Variants in NCOA1 observed in about 807,000 individuals in gnomAD.
NCOA1 encodes the protein nuclear receptor coactivator 1.
Under a neutral mutation model 150.9 loss-of-function variants are expected in NCOA1, and 35 were observed. The observed-to-expected ratio is 0.23, with a 90% CI of 0.18 to 0.31. NCOA1 has a LOEUF of 0.31. Among genes scored for constraint, NCOA1 ranks in the 10% least tolerant of loss-of-function variants. The pLI is 1.00. For synonymous variants in NCOA1, 590 were observed against 630.0 expected (o/e 0.94, Z 0.95); for missense variants, 1,491 against 1,749.3 (o/e 0.85, Z 2.63).
At chr2:24,550,841 G>A (rs1334028506) in intron 1 of NCOA1, among the ~76,000 whole-genome samples, 2 of 152,212 alleles carry the variant, frequency 1.3e-5, no homozygotes, top group African/African-American at 4.8e-5. Context: ...GGGTGCAGTG[G>A]TTCATGCCTG....
At chr2:24,689,910 C>T (rs1672584659) in intron 8 of NCOA1, among the ~76,000 whole-genome samples, 1 of 152,078 alleles carries the variant, frequency 6.6e-6, no homozygotes, top group Admixed American at 6.6e-5. Context: ...GACAGAAATC[C>T]TATATAACTA....
chr2:24,522,030 A>T (rs911137415), intron 1 of NCOA1, among the ~76,000 whole-genome samples: 1 of 151,984 alleles, frequency 6.6e-6, no homozygotes, highest in Non-Finnish European at 1.5e-5. Flanking sequence ...AACATAACAT[A>T]TAATTATATA....
At chr2:24,716,260 AAAAAAG>A (rs1674036806) in intron 14 of NCOA1, among the ~76,000 whole-genome samples, 1 of 152,028 alleles carries the variant, frequency 6.6e-6, no homozygotes, top group South Asian at 2.1e-4. Flanking sequence ...TTAAAAAAAA[AAAAAAG>A]AAAACTTGGG....
intron 7 of NCOA1, among the ~76,000 whole-genome samples, chr2:24,678,409 T>C (rs745676872): frequency 1.3e-5 from 2 of 152,216 alleles, no homozygotes; most frequent in Non-Finnish European, 2.9e-5. Flanking sequence ...TACTCAGTAA[T>C]GGGATTGCTG....
At chr2:24,613,942 T>G (rs1241261112) in intron 3 of NCOA1, among the ~76,000 whole-genome samples, 1 of 152,162 alleles carries the variant, frequency 6.6e-6, no homozygotes, top group Non-Finnish European at 1.5e-5. Context: ...CCTCATGATG[T>G]CTTTGCTAAG....
At chr2:24,728,987 A>G (rs1370391933) in intron 16 of NCOA1, among the ~76,000 whole-genome samples, 5 of 152,252 alleles carry the variant, frequency 3.3e-5, no homozygotes, top group Non-Finnish European at 7.3e-5. Flanking sequence ...ACACACACAC[A>G]AGCACACGCG....
At chr2:24,552,361 T>A (rs1206945112) in intron 1 of NCOA1, among the ~76,000 whole-genome samples, 137 of 73,156 alleles carry the variant, frequency 1.9e-3, no homozygotes, top group Middle Eastern at 6.7e-3. Flanking sequence ...ATATTTTTTT[T>A]TTTTTTTTTT....
At chr2:24,541,333 A>G (rs1665385686) in intron 1 of NCOA1, among the ~76,000 whole-genome samples, 1 of 152,206 alleles carries the variant, frequency 6.6e-6, no homozygotes, top group South Asian at 2.1e-4. Flanking sequence ...TGGAAACCAG[A>G]GAAGTAATGG....
intron 1 of NCOA1, among the ~76,000 whole-genome samples, chr2:24,525,833 C>T (rs927799135): frequency 1.3e-5 from 2 of 152,144 alleles, no homozygotes; most frequent in Non-Finnish European, 2.9e-5. Flanking sequence ...CAGGCATGAG[C>T]CCCCGAGCCC....
At chr2:24,763,041 TA>T (rs1449256531) in intron 22 of NCOA1, among the ~76,000 whole-genome samples, 1 of 152,186 alleles carries the variant, frequency 6.6e-6, no homozygotes, top group African/African-American at 2.4e-5. Flanking sequence ...AGTGCTTAGA[TA>T]GGATAAAGTG....
intron 1 of NCOA1, among the ~76,000 whole-genome samples, chr2:24,549,193 C>T (rs776876923): frequency 3.3e-5 from 5 of 152,234 alleles, no homozygotes; most frequent in Non-Finnish European, 7.3e-5. Context: ...AGGCTCAACA[C>T]CATGTGTAAG....
Position 24,658,755 on chromosome 2 carries a change from A to G in NCOA1, c.78A>G (p.Thr26=). Residue 26 remains threonine (T), a synonymous_variant, in exon 5 of 23, where the codon ACA becomes ACG. Coordinates refer to ENST00000348332, the MANE Select transcript of NCOA1 (RefSeq NM_003743.5). Reference sequence around the variant, plus strand: ...AGAGGAAAGGATCGCCATGTGACACACTGGCATCAAGGTAGGAACACTCCT... The same window carrying G: ...AGAGGAAAGGATCGCCATGTGACACGCTGGCATCAAGGTAGGAACACTCCT... ...SHKRKGSPCD[T]LASSTEKRRR... The G allele has an allele frequency of 6.2e-7, 1 of 1,613,954 alleles. No homozygotes were observed. Among genetic ancestry groups the G allele is most frequent in the Non-Finnish European group, 8.5e-7 (1 of 1,179,832 alleles).
intron 3 of NCOA1, among the ~76,000 whole-genome samples, chr2:24,604,847 A>G (rs1194825394): frequency 3.3e-5 from 5 of 152,222 alleles, no homozygotes; most frequent in Admixed American, 1.3e-4. Context: ...TAAGAGGCCT[A>G]GTTCCAGCCG....
At chr2:24,568,191 T>C (rs1666591091) in intron 2 of NCOA1, among the ~76,000 whole-genome samples, 1 of 152,206 alleles carries the variant, frequency 6.6e-6, no homozygotes, top group African/African-American at 2.4e-5. Context: ...CATTTGAACT[T>C]CAGATTTAAA....
chr2:24,740,459 T>C (rs1447429165), intron 18 of NCOA1, among the ~76,000 whole-genome samples: 1 of 152,212 alleles, frequency 6.6e-6, no homozygotes, highest in Admixed American at 6.5e-5. Flanking sequence ...TAGACAATTG[T>C]TATGGTATTT....
Position 24,711,027 on chromosome 2 carries a change from G to A in NCOA1, c.2515G>A (p.Ala839Thr). ...ATGTGAGACAGACAGGATGGATGGT[G>A]CGGTCACCAGTGTAACCATCAAATC... ...GLCETDRMDG[A>T]VTSVTIKSEI... is the part of the protein sequence containing the mutation. Residue 839 changes from alanine to threonine, a missense_variant, in exon 14 of 23, where the codon GCG (alanine) becomes ACG (threonine). Physicochemically the swap from Ala to Thr is moderately conservative, Grantham distance 58. Coordinates refer to ENST00000348332, the MANE Select transcript of NCOA1 (RefSeq NM_003743.5). The A allele has an allele frequency of 3.1e-6, 5 of 1,614,194 alleles. No individual in the cohort carries two copies. Among genetic ancestry groups the A allele is most frequent in the Non-Finnish European group, 4.2e-6 (5 of 1,180,014 alleles).
At chr2:24,638,848 G>A (rs1478225784) in intron 3 of NCOA1, among the ~76,000 whole-genome samples, 1 of 150,324 alleles carries the variant, frequency 6.7e-6, no homozygotes, top group African/African-American at 2.5e-5. Context: ...AAATCAGATT[G>A]TTGTTGTTGT....
At chr2:24,591,163 A>G (rs1667641549) in intron 3 of NCOA1, among the ~76,000 whole-genome samples, 1 of 152,226 alleles carries the variant, frequency 6.6e-6, no homozygotes, top group African/African-American at 2.4e-5. Context: ...ACCTTAATAT[A>G]TAATCTACTA....
chr2:24,748,076 A>G (rs1452300527), intron 19 of NCOA1, among the ~76,000 whole-genome samples: 2 of 152,098 alleles, frequency 1.3e-5, no homozygotes, highest in African/African-American at 2.4e-5. Context: ...ATTGCACTCC[A>G]GCCTGGGCAA....
Sources: allele counts gnomAD v4.1 joint callset (sites outside exome capture counted in the v4.1 genomes callset), GRCh38; gene constraint gnomAD v4.1.1; transcripts MANE v1.5; gene names NCBI Gene and HGNC (gene_info 2026-07-23, HGNC 2026-07-21).